Variants in PDE1C observed in about 807,000 individuals in gnomAD.
PDE1C encodes the protein phosphodiesterase 1C.
In PDE1C, 62 loss-of-function variants were observed where a neutral mutation model predicts 93.1. The ratio of observed to expected loss-of-function variants is 0.67; its 90% CI spans 0.54 to 0.82. PDE1C has a LOEUF of 0.82. Among genes scored for constraint, PDE1C ranks in the 40% least tolerant of loss-of-function variants. The pLI is 0.00. For synonymous variants in PDE1C, 325 were observed against 310.1 expected, an observed-to-expected ratio of 1.05 and a Z score of -0.50; for missense variants, 742 against 884.6, an observed-to-expected ratio of 0.84 and a Z score of 2.04.
intron 2 of PDE1C, among the ~76,000 whole-genome samples, chr7:32,032,940 A>G (rs1003494783): frequency 6.6e-6 from 1 of 152,194 alleles, no homozygotes. Flanking sequence ...AGGAAAGACT[A>G]ACAAGTGAGC....
chr7:32,142,352 G>A (rs1175685387), intron 3 of PDE1C, among the ~76,000 whole-genome samples: 3 of 152,138 alleles, frequency 2.0e-5, no homozygotes, highest in Admixed American at 2.0e-4. Flanking sequence ...AGTGCGGCCT[G>A]TGCACAGGCC....
At chr7:32,107,198 A>C (rs1384790849) in intron 3 of PDE1C, among the ~76,000 whole-genome samples, 2 of 151,642 alleles carry the variant, frequency 1.3e-5, no homozygotes, top group Non-Finnish European at 2.9e-5. Context: ...GACAATTACA[A>C]AAGGTATAAT....
chr7:31,894,678 G>T (rs1255879110), intron 2 of PDE1C, among the ~76,000 whole-genome samples: 1 of 152,196 alleles, frequency 6.6e-6, no homozygotes, highest in South Asian at 2.1e-4. Context: ...TGGCCTGGGT[G>T]ATCTACCATT....
At chr7:32,419,592 A>T (rs558897674) in intron 1 of PDE1C, among the ~76,000 whole-genome samples, 1 of 152,252 alleles carries the variant, frequency 6.6e-6, no homozygotes, top group African/African-American at 2.4e-5. Context: ...CTACTTCTAG[A>T]CTAAAGAATG....
chr7:31,692,776 G>A, the PDE1C span, among the ~76,000 whole-genome samples: 8 of 152,262 alleles, frequency 5.3e-5, no homozygotes, highest in South Asian at 2.1e-4. Context: ...AGGAAGCATC[G>A]TCCTCTTTTT....
chr7:31,927,791 G>A (rs1803598961), intron 2 of PDE1C, among the ~76,000 whole-genome samples: 1 of 152,090 alleles, frequency 6.6e-6, no homozygotes, highest in South Asian at 2.1e-4. Flanking sequence ...AAGGCCATCA[G>A]CATCAAAGAT....
At chr7:32,017,497 C>T (rs192011526) in intron 2 of PDE1C, among the ~76,000 whole-genome samples, 40 of 152,114 alleles carry the variant, frequency 2.6e-4, no homozygotes, top group African/African-American at 7.9e-4. Flanking sequence ...ACTTGATAAA[C>T]GGGTCTATAT....
intron 1 of PDE1C, among the ~76,000 whole-genome samples, chr7:32,375,145 G>A (rs77173943): frequency 0.055 from 8,304 of 152,212 alleles, 334 homozygotes; most frequent in Non-Finnish European, 0.077. Context: ...CTGGGCTCAC[G>A]GGGCCTGGAG....
chr7:32,188,422 T>A (rs553845361), intron 2 of PDE1C, among the ~76,000 whole-genome samples: 3 of 152,258 alleles, frequency 2.0e-5, no homozygotes, highest in Admixed American at 2.0e-4. Context: ...CCTTTTCTCA[T>A]CATTTTCAAT....
At chr7:32,073,278 T>A (rs1796168231), upstream of PDE1C, among the ~76,000 whole-genome samples, 2 of 152,214 alleles carry the variant, frequency 1.3e-5, no homozygotes, top group African/African-American at 4.8e-5. Context: ...AGAAAATTTC[T>A]TACAAAATTA....
At chr7:31,743,823 C>A in the PDE1C span, among the ~76,000 whole-genome samples, 3 of 152,096 alleles carry the variant, frequency 2.0e-5, no homozygotes, top group African/African-American at 7.2e-5. Context: ...TTAATTGGAG[C>A]CCAGGCAAAT....
chr7:32,413,388 T>G (rs1035589012), intron 1 of PDE1C, among the ~76,000 whole-genome samples: 1 of 152,208 alleles, frequency 6.6e-6, no homozygotes, highest in Non-Finnish European at 1.5e-5. Context: ...AATAAAATGT[T>G]TTAACACTGG....
intron 3 of PDE1C, among the ~76,000 whole-genome samples, chr7:32,134,803 A>T (rs1043852812): frequency 9.2e-5 from 14 of 152,110 alleles, no homozygotes; most frequent in African/African-American, 3.4e-4. Context: ...CAGATAGCTA[A>T]TGCATGTGGG....
At chr7:32,119,366 G>C (rs1046308717) in intron 3 of PDE1C, among the ~76,000 whole-genome samples, 1 of 152,180 alleles carries the variant, frequency 6.6e-6, no homozygotes, top group African/African-American at 2.4e-5. Flanking sequence ...AGCTGCCAAA[G>C]GGGTCTCAGG....
At chr7:32,220,679 A>G (rs1180138470) in intron 1 of PDE1C, among the ~76,000 whole-genome samples, 3 of 152,154 alleles carry the variant, frequency 2.0e-5, no homozygotes, top group Non-Finnish European at 4.4e-5. Context: ...ATAGCTGGGC[A>G]TGGTGGCAGG....
the PDE1C span, among the ~76,000 whole-genome samples, chr7:31,640,963 T>C: frequency 1.3e-5 from 2 of 152,200 alleles, no homozygotes; most frequent in Non-Finnish European, 2.9e-5. Context: ...TGTTTAATTA[T>C]ACAAAATTGA....
chr7:31,998,145 G>A (rs938977200), intron 2 of PDE1C, among the ~76,000 whole-genome samples: 2 of 152,020 alleles, frequency 1.3e-5, no homozygotes, highest in South Asian at 2.1e-4. Flanking sequence ...TCAGCCTCCC[G>A]AGTAGCTGGG....
chr7:32,018,086 A>G (rs1227399038), intron 2 of PDE1C, among the ~76,000 whole-genome samples: 1 of 147,454 alleles, frequency 6.8e-6, no homozygotes, highest in Non-Finnish European at 1.5e-5. Context: ...GACCCTGTCT[A>G]AAAAAAAAAG....
intron 17 of PDE1C, among the ~76,000 whole-genome samples, chr7:31,767,355 T>A (rs1795209111): frequency 6.6e-6 from 1 of 152,108 alleles, no homozygotes; most frequent in Non-Finnish European, 1.5e-5. Context: ...GGGGGTAGAT[T>A]TCCCCCTGGT....
Sources: allele counts gnomAD v4.1 joint callset (sites outside exome capture counted in the v4.1 genomes callset), GRCh38; gene constraint gnomAD v4.1.1; transcripts MANE v1.5; gene names NCBI Gene and HGNC (gene_info 2026-07-23, HGNC 2026-07-21).